The following ADCY10 variants were observed in gnomAD, a reference collection of about 807,000 sequenced individuals.
ADCY10 encodes the protein adenylate cyclase type 10.
In ADCY10, 156 loss-of-function variants were observed where a neutral mutation model predicts 183.3. That is an observed-to-expected ratio of 0.85 (90% confidence interval 0.75 to 0.97). The LOEUF is 0.97. ADCY10 is among the 50% of genes least tolerant of loss of function. The probability of loss-of-function intolerance (pLI) is 0.00; values close to 1 mark genes in which losing one functional copy is unlikely to be tolerated. For missense variants in ADCY10, 1,745 were observed against 1,934.3 expected, an observed-to-expected ratio of 0.90 and a Z score of 1.84; for synonymous variants, 645 against 670.0, an observed-to-expected ratio of 0.96 and a Z score of 0.58.
chr1:167,910,175 G>A (rs534736675), intron 1 of ADCY10, among the ~76,000 whole-genome samples: 8 of 152,234 alleles, frequency 5.3e-5, no homozygotes, highest in East Asian at 1.9e-4. Context: ...TCTGTGGCTC[G>A]TCCTGCTACA....
At chr1:167,815,475 G>T (rs1232757593) in intron 31 of ADCY10, among the ~76,000 whole-genome samples, 1 of 152,174 alleles carries the variant, frequency 6.6e-6, no homozygotes, top group Non-Finnish European at 1.5e-5. Context: ...GGACTGAAAA[G>T]CACTTGTGAA....
intron 8 of ADCY10, among the ~76,000 whole-genome samples, chr1:167,889,655 G>A (rs1048149204): frequency 1.3e-5 from 2 of 152,176 alleles, no homozygotes; most frequent in African/African-American, 4.8e-5. Flanking sequence ...GTTGGTATTA[G>A]TTCTTCAAGT....
intron 23 of ADCY10, among the ~76,000 whole-genome samples, chr1:167,835,054 A>G (rs1197993888): frequency 6.6e-6 from 1 of 152,184 alleles, no homozygotes; most frequent in Non-Finnish European, 1.5e-5. Flanking sequence ...TTTTATATAA[A>G]TCTAAGGTAG....
intron 19 of ADCY10, 103 bp from the exon 20 acceptor site, chr1:167,846,366 T>C (rs1665030524): frequency 1.4e-6 from 2 of 1,437,438 alleles, no homozygotes; most frequent in East Asian, 4.6e-5. Flanking sequence ...TCTACAGTTC[T>C]TGTTGCAAGA....
intron 6 of ADCY10, among the ~76,000 whole-genome samples, chr1:167,898,594 GT>G (rs67534872): frequency 0.89 from 131,199 of 146,640 alleles, 58,782 homozygotes; most frequent in East Asian, 0.98. Flanking sequence ...GCGAGACTCC[GT>G]TTTTTTTTTT....
intron 22 of ADCY10, chr1:167,836,977 A>G (rs1664254042): frequency 2.3e-6 from 1 of 433,342 alleles, no homozygotes; most frequent in Non-Finnish European, 4.2e-6. Flanking sequence ...GTGAGCTGAG[A>G]TTGTGGCATT....
chr1:167,891,794 G>C (rs1357346792), intron 8 of ADCY10, among the ~76,000 whole-genome samples: 1 of 152,060 alleles, frequency 6.6e-6, no homozygotes, highest in Non-Finnish European at 1.5e-5. Flanking sequence ...TAGCACAGAA[G>C]TGTCAGATTC....
At position 167,846,232 on chromosome 1, in the gene ADCY10, T is replaced by G; in HGVS notation, c.2469A>C (p.Arg823Ser). The change falls in exon 20 of 33, where the codon AGA becomes AGC. Residue 823 changes from arginine (R) to serine (S), a missense_variant. Transcript: ENST00000367851. ...ATCTCACCAGCATTTGGTGGGAAAG[T>G]CTCATGCTATCCAGCTGGATCAGAG... ...EISLIQLDSMRLSHQMLVRCA... is the reference protein window; with the variant it reads ...EISLIQLDSMSLSHQMLVRCA... The G allele has an allele frequency of 6.2e-7, 1 of 1,614,138 alleles. No individual in the cohort carries two copies. Among genetic ancestry groups the G allele is most frequent in the East Asian group, 2.2e-5 (1 of 44,890 alleles).
chr1:167,820,259 A>G, intron 30 of ADCY10: 12 of 1,485,394 alleles, frequency 8.1e-6, no homozygotes, highest in Non-Finnish European at 1.1e-5. Context: ...CGTCGTCGCC[A>G]CCACAGGGCT....
In ADCY10 at chr1:167,907,847, T is replaced by C. The variant is rs191870722; in HGVS notation, c.-58-2649A>G. On this transcript the variant is annotated intron_variant, in intron 1 of 32. Transcript: ENST00000367851. ...CTTGTGAGTAAAATATACAAAATTA[T>C]AGGAATAAAGAAAATATAATTGGCT... 3.3e-5 allele frequency among the ~76,000 whole-genome samples: 5 copies of C among 152,328 alleles called. No individual in the cohort carries two copies. In the East Asian group the frequency reaches 9.6e-4, roughly 29 times the overall value.
At chr1:167,809,982 C>T (rs1387797710) in intron 32 of ADCY10, 143 bp from the exon 33 acceptor site, 3 of 777,448 alleles carry the variant, frequency 3.9e-6, no homozygotes, top group Non-Finnish European at 4.4e-6. Flanking sequence ...GCTGTCCAAA[C>T]TAGGATACTG....
In ADCY10 at chr1:167,880,617, GGAGA is replaced by G. The variant is rs1332920073; in HGVS notation, c.1021-12_1021-9del. 7 of 1,594,176 alleles carry G rather than the reference GGAGA, an allele frequency of 4.4e-6. No homozygotes were observed. In the African/African-American group the frequency reaches 8.1e-5, roughly 18 times the overall value. On this transcript the variant is annotated splice_polypyrimidine_tract_variant and intron_variant, in intron 9 of 32. Coordinates refer to ENST00000367851, the MANE Select transcript of ADCY10 (RefSeq NM_018417.6). ...ACAGAGGAAAGAGCAGCCCTGTGAG[GGAGA>G]GAGACAGCAACCACAGCTGATGGAC... is the stretch of plus-strand genomic sequence containing the variant.
intron 30 of ADCY10, chr1:167,820,087 T>C (rs2101851680): frequency 6.3e-7 from 1 of 1,576,328 alleles, no homozygotes. Context: ...AAAATTTGGC[T>C]ATGGTTGTCC....
chr1:167,863,768 C>T (rs959498866), intron 14 of ADCY10, among the ~76,000 whole-genome samples: 1 of 152,214 alleles, frequency 6.6e-6, no homozygotes, highest in Admixed American at 6.5e-5. Context: ...GGCAGGCCCC[C>T]GTGGAGGATC....
intron 14 of ADCY10, among the ~76,000 whole-genome samples, chr1:167,863,403 C>G (rs1666432681): frequency 6.6e-6 from 1 of 152,198 alleles, no homozygotes; most frequent in African/African-American, 2.4e-5. Context: ...GATCACGACC[C>G]TCTCATGCGG....
intron 12 of ADCY10, among the ~76,000 whole-genome samples, chr1:167,875,721 T>C (rs989618924): frequency 9.9e-5 from 15 of 150,998 alleles, no homozygotes; most frequent in Non-Finnish European, 1.9e-4. Context: ...GAGGCCGAGG[T>C]GGGCAGATCA....
intron 28 of ADCY10, among the ~76,000 whole-genome samples, chr1:167,823,854 C>T (rs1215937509): frequency 6.6e-6 from 1 of 152,162 alleles, no homozygotes; most frequent in Non-Finnish European, 1.5e-5. Flanking sequence ...GACCTCTAGT[C>T]CTGGTTGCTA....
rs1009364935 is a variant in ADCY10 at position 167,809,526 on chromosome 1, C to A, written c.*152G>T. 6 of 863,848 alleles carry A rather than the reference C, an allele frequency of 6.9e-6. No individual in the cohort carries two copies. The African/African-American group carries it at 1.0e-4, about 15-fold the overall frequency. The allele number at this position is 863,848 out of a possible 1,614,324, so 53.5% of individuals were successfully genotyped here. Reference sequence around the variant, plus strand: ...CATGACACTCCTGACCCTTGTAGGCCCTCCAGAAAGAGAAGAAATCAACAT... The same window carrying A: ...CATGACACTCCTGACCCTTGTAGGCACTCCAGAAAGAGAAGAAATCAACAT... On this transcript the variant is annotated 3_prime_UTR_variant, in exon 33 of 33. Transcript: ENST00000367851.
At chr1:167,816,941 T>C (rs548591938) in intron 31 of ADCY10, among the ~76,000 whole-genome samples, 86 of 152,326 alleles carry the variant, frequency 5.6e-4, no homozygotes, top group African/African-American at 2.0e-3. Flanking sequence ...GATGACAGTT[T>C]GTTCAAAATA....
Sources: allele counts gnomAD v4.1 joint callset (sites outside exome capture counted in the v4.1 genomes callset), GRCh38; gene constraint gnomAD v4.1.1; transcripts MANE v1.5; gene names NCBI Gene and HGNC (gene_info 2026-07-23, HGNC 2026-07-21).